BANK1: variants seen among roughly 807,000 people sequenced by gnomAD.
BANK1 encodes the protein B-cell scaffold protein with ankyrin repeats.
Under a neutral mutation model 94.5 loss-of-function variants are expected in BANK1, and 95 were observed. The observed-to-expected ratio is 1.00, with a 90% CI of 0.85 to 1.19. BANK1 has a LOEUF of 1.19. BANK1 is among the 50% of genes most tolerant of loss of function. The pLI is 0.00. For synonymous variants in BANK1, 334 were observed against 308.4 expected (o/e 1.08, Z -0.87); for missense variants, 987 against 932.2 (o/e 1.06, Z -0.77).
intron 8 of BANK1, 69 bp from the exon 9 acceptor site, chr4:102,025,132 T>C: frequency 1.3e-6 from 2 of 1,514,124 alleles, no homozygotes; most frequent in Non-Finnish European, 1.8e-6. Flanking sequence ...TTCTGTACAA[T>C]TTTATAAAAT....
At chr4:101,953,233 G>A (rs1194088793) in intron 7 of BANK1, among the ~76,000 whole-genome samples, 1 of 152,194 alleles carries the variant, frequency 6.6e-6, no homozygotes, top group African/African-American at 2.4e-5. Flanking sequence ...TGACAGCAAA[G>A]ATAGCATAAA....
intron 1 of BANK1, 116 bp downstream of exon 1, chr4:101,791,066 G>A: frequency 1.2e-6 from 1 of 827,818 alleles, no homozygotes; most frequent in Non-Finnish European, 1.8e-6. Flanking sequence ...GGGCGTCCCT[G>A]AGACAGGGCT....
rs193190771 is a variant in BANK1, at chr4:101,929,023, A to G, written c.1206+10834A>G. Among the ~76,000 whole-genome samples the G allele has an allele frequency of 3.3e-5, 5 of 151,750 alleles. No individual in the cohort carries two copies. The East Asian group carries it at 9.8e-4, about 30-fold the overall frequency. On this transcript the variant is annotated intron_variant, in intron 7 of 16. Transcript: ENST00000322953. Reference sequence around the variant, plus strand: ...CTCCAAAAGATGGCTACTCATAACAACCTGCTAACTTTATGGTCTCACTTC... The same window carrying G: ...CTCCAAAAGATGGCTACTCATAACAGCCTGCTAACTTTATGGTCTCACTTC...
chr4:102,051,351 T>G (rs146151960), intron 11 of BANK1, among the ~76,000 whole-genome samples: 122 of 152,328 alleles, frequency 8.0e-4, no homozygotes, highest in African/African-American at 2.8e-3. Flanking sequence ...ACAAAAGTTT[T>G]TTGTTGTTGT....
In BANK1 at chr4:101,947,309, A is replaced by ATATATATATATGTATG. The variant is rs1176507515; in HGVS notation, c.1206+29123_1206+29124insATATATATGTATGTAT. The stretch of plus-strand genomic sequence containing the variant: ...AATATATATATATATATATATATAT[A>ATATATATATATGTATG]TATGTATATGTATTATGTATTATAT... On this transcript the variant is annotated intron_variant, in intron 7 of 16. Coordinates refer to ENST00000322953, the MANE Select transcript of BANK1 (RefSeq NM_017935.5). Among the ~76,000 whole-genome samples, 70 of 67,890 alleles carry ATATATATATATGTATG rather than the reference A, an allele frequency of 1.0e-3. 1 individual carries two copies. Among genetic ancestry groups the ATATATATATATGTATG allele is most frequent in the African/African-American group, 2.9e-3 (65 of 22,358 alleles). The allele number at this position is 67,890 out of a possible 152,430, so 44.5% of individuals were successfully genotyped here.
intron 1 of BANK1, among the ~76,000 whole-genome samples, chr4:101,810,082 A>G (rs1325587141): frequency 6.6e-6 from 1 of 152,246 alleles, no homozygotes; most frequent in Non-Finnish European, 1.5e-5. Flanking sequence ...AAATGGCAGC[A>G]TGAGAAGGAC....
In BANK1 at chr4:101,990,736, A is replaced by G. The variant is rs184327230; in HGVS notation, c.1207-30778A>G. Among the ~76,000 whole-genome samples, 986 of 152,316 alleles carry G rather than the reference A, an allele frequency of 6.5e-3. 10 individuals are homozygous for G. Among genetic ancestry groups the G allele is most frequent in the African/African-American group, 0.022 (915 of 41,572 alleles). On this transcript the variant is annotated intron_variant, in intron 7 of 16. Coordinates refer to ENST00000322953, the MANE Select transcript of BANK1 (RefSeq NM_017935.5). Reference sequence around the variant, plus strand: ...TCTATCAGCTTTTACAAAGTAGATCATAGAATGCAATATATTTTGAAACAT... The same window carrying G: ...TCTATCAGCTTTTACAAAGTAGATCGTAGAATGCAATATATTTTGAAACAT...
chr4:101,824,478 T>A (rs1254686545), intron 1 of BANK1, among the ~76,000 whole-genome samples: 1 of 152,228 alleles, frequency 6.6e-6, no homozygotes, highest in Non-Finnish European at 1.5e-5. Flanking sequence ...GATGTTTCAC[T>A]ACATTCAAAC....
chr4:101,966,611 G>C (rs1366916359), intron 7 of BANK1, among the ~76,000 whole-genome samples: 1 of 152,014 alleles, frequency 6.6e-6, no homozygotes, highest in Non-Finnish European at 1.5e-5. Context: ...CTTTGATTTA[G>C]AAATAGATTG....
intron 1 of BANK1, among the ~76,000 whole-genome samples, chr4:101,805,526 C>G (rs1348568196): frequency 4.0e-5 from 6 of 151,436 alleles, no homozygotes; most frequent in African/African-American, 1.5e-4. Flanking sequence ...AAAGCTGTAG[C>G]CGTTTCTGAA....
intron 2 of BANK1, among the ~76,000 whole-genome samples, chr4:101,842,237 T>G (rs1420200724): frequency 2.6e-5 from 4 of 152,212 alleles, no homozygotes; most frequent in Non-Finnish European, 5.9e-5. Context: ...TGGCTTCTCC[T>G]TTCCAAAGTT....
chr4:101,998,956 C>G (rs912463047), intron 7 of BANK1, among the ~76,000 whole-genome samples: 2 of 152,090 alleles, frequency 1.3e-5, no homozygotes, highest in Non-Finnish European at 2.9e-5. Context: ...TATTAACAGC[C>G]TGATAAAGGG....
intron 6 of BANK1, among the ~76,000 whole-genome samples, chr4:101,901,353 G>A (rs1405601756): frequency 6.6e-6 from 1 of 152,186 alleles, no homozygotes; most frequent in African/African-American, 2.4e-5. Context: ...AATGAGTAGA[G>A]AGGAAAAAGA....
intron 1 of BANK1, among the ~76,000 whole-genome samples, chr4:101,803,934 C>T (rs1725449252): frequency 1.7e-5 from 2 of 119,210 alleles, no homozygotes; most frequent in Non-Finnish European, 3.2e-5. Flanking sequence ...GGAAGCGGAG[C>T]TTGCAGTGAG....
intron 5 of BANK1, among the ~76,000 whole-genome samples, chr4:101,886,446 T>C (rs760433455): frequency 2.6e-5 from 4 of 152,170 alleles, no homozygotes; most frequent in Non-Finnish European, 5.9e-5. Flanking sequence ...AAAAAGAAAT[T>C]TCTGAAATGT....
chr4:101,942,978 C>G (rs748939216), intron 7 of BANK1, among the ~76,000 whole-genome samples: 1 of 151,734 alleles, frequency 6.6e-6, no homozygotes, highest in Non-Finnish European at 1.5e-5. Flanking sequence ...GGTATATTAT[C>G]AGAACACTCA....
At chr4:101,820,118 A>G (rs1321817501) in intron 1 of BANK1, among the ~76,000 whole-genome samples, 1 of 152,232 alleles carries the variant, frequency 6.6e-6, no homozygotes, top group Admixed American at 6.5e-5. Context: ...GGCTGTTAAT[A>G]CTACCACAGG....
At chr4:101,975,350 A>G (rs1396930445) in intron 7 of BANK1, among the ~76,000 whole-genome samples, 1 of 152,186 alleles carries the variant, frequency 6.6e-6, no homozygotes, top group East Asian at 1.9e-4. Context: ...TGAGTTGTTC[A>G]TGTAAGTCTA....
chr4:102,001,025 T>C (rs995744385), intron 7 of BANK1, among the ~76,000 whole-genome samples: 5 of 152,092 alleles, frequency 3.3e-5, no homozygotes, highest in African/African-American at 1.2e-4. Flanking sequence ...CAGTGAGTGC[T>C]GGAATGGGAA....
Sources: allele counts gnomAD v4.1 joint callset (sites outside exome capture counted in the v4.1 genomes callset), GRCh38; gene constraint gnomAD v4.1.1; transcripts MANE v1.5; gene names NCBI Gene and HGNC (gene_info 2026-07-23, HGNC 2026-07-21).